The following MPHOSPH6 variants were observed in gnomAD, a reference collection of about 807,000 sequenced individuals.
MPHOSPH6 encodes the protein M-phase phosphoprotein 6.
MPHOSPH6 carries 25 observed loss-of-function variants against 21.8 expected under a neutral mutation model. The ratio of observed to expected loss-of-function variants is 1.15; its 90% CI spans 0.83 to 1.60. The LOEUF (loss-of-function observed/expected upper bound fraction) is 1.60. MPHOSPH6 is among the 40% of genes most tolerant of loss of function. MPHOSPH6 has a pLI of 0.00. For synonymous variants in MPHOSPH6, 84 were observed against 56.5 expected (o/e 1.49, Z -2.18); for missense variants, 269 against 181.8 (o/e 1.48, Z -2.76).
intron 2 of MPHOSPH6, among the ~76,000 whole-genome samples, chr16:82,159,135 T>C (rs1418630310): frequency 6.6e-6 from 1 of 152,228 alleles, no homozygotes; most frequent in African/African-American, 2.4e-5. Context: ...AGGGGGATTT[T>C]CTTTATATAC....
intron 1 of MPHOSPH6, among the ~76,000 whole-genome samples, chr16:82,165,218 C>G (rs1425132754): frequency 6.7e-6 from 1 of 148,800 alleles, no homozygotes; most frequent in African/African-American, 2.5e-5. Context: ...ACCTCTGCCT[C>G]CTAGGTTCAA....
chr16:82,159,179 T>G (rs1906527843), intron 2 of MPHOSPH6, among the ~76,000 whole-genome samples: 1 of 152,242 alleles, frequency 6.6e-6, no homozygotes, highest in South Asian at 2.1e-4. Flanking sequence ...ACAGGCTGAC[T>G]GCAGGCGTTC....
chr16:82,155,327 G>A (rs923309983), intron 2 of MPHOSPH6, among the ~76,000 whole-genome samples: 1 of 152,122 alleles, frequency 6.6e-6, no homozygotes, highest in African/African-American at 2.4e-5. Flanking sequence ...TGGGTCCTTA[G>A]CCATGAAATA....
intron 1 of MPHOSPH6, among the ~76,000 whole-genome samples, chr16:82,168,597 A>G (rs1256744832): frequency 2.0e-5 from 3 of 151,806 alleles, no homozygotes; most frequent in Non-Finnish European, 4.4e-5. Flanking sequence ...CAGCCTCCCA[A>G]GTAGCTGGGA....
At chr16:82,164,332 G>A (rs1906696951) in intron 1 of MPHOSPH6, 138 bp from the exon 2 acceptor site, 1 of 632,432 alleles carries the variant, frequency 1.6e-6, no homozygotes, top group Non-Finnish European at 2.7e-6. Context: ...TGGGGCAAGT[G>A]ATCAAACGGT....
chr16:82,158,728 A>G (rs1281355981), intron 2 of MPHOSPH6, among the ~76,000 whole-genome samples: 3 of 152,206 alleles, frequency 2.0e-5, no homozygotes, highest in Non-Finnish European at 4.4e-5. Context: ...ACAAAATTCA[A>G]GCTTTCAAGC....
chr16:82,162,146 T>C (rs1257780481), intron 2 of MPHOSPH6: 1 of 152,246 alleles, frequency 6.6e-6, no homozygotes, highest in African/African-American at 2.4e-5. Flanking sequence ...CTTCTCGGAA[T>C]GTACTGGACA....
At chr16:82,164,327 C>A (rs1906696807) in intron 1 of MPHOSPH6, 133 bp from the exon 2 acceptor site, 13 of 639,146 alleles carry the variant, frequency 2.0e-5, no homozygotes, top group South Asian at 2.0e-4. Flanking sequence ...AGGGTTGGGG[C>A]AAGTGATCAA....
chr16:82,154,932 A>G (rs9940948), intron 2 of MPHOSPH6, among the ~76,000 whole-genome samples: 2,839 of 152,342 alleles, frequency 0.019, 104 homozygotes, highest in African/African-American at 0.065. Context: ...CTACAGTCTA[A>G]TATCTTTTTT....
chr16:82,164,199 G>A lies in MPHOSPH6; in HGVS notation c.52-5C>T, dbSNP rs745628617. Reference sequence around the variant, plus strand: ...GTCCAGTCCCCTTTGCATAAACTGTGAAAACAAACAAAATCAATGTCAGAA... The same window carrying A: ...GTCCAGTCCCCTTTGCATAAACTGTAAAAACAAACAAAATCAATGTCAGAA... On this transcript the variant is annotated splice_region_variant and splice_polypyrimidine_tract_variant and intron_variant, in intron 1 of 4. Transcript: ENST00000258169. 6.4e-7 allele frequency: 1 copy of A among 1,573,306 alleles called. No homozygotes were observed. Among genetic ancestry groups the A allele is most frequent in the Non-Finnish European group, 8.7e-7 (1 of 1,155,820 alleles).
At chr16:82,154,434 T>C (rs1287653283) in intron 2 of MPHOSPH6, among the ~76,000 whole-genome samples, 2 of 152,086 alleles carry the variant, frequency 1.3e-5, no homozygotes, top group Non-Finnish European at 2.9e-5. Context: ...CAATAAAAAA[T>C]TCCTAGACAT....
At chr16:82,158,470 G>A (rs1906501739) in intron 2 of MPHOSPH6, among the ~76,000 whole-genome samples, 1 of 129,520 alleles carries the variant, frequency 7.7e-6, no homozygotes, top group Admixed American at 9.5e-5. Context: ...CTGCACTCCA[G>A]CCTGGGTGAC....
chr16:82,153,445 A>G (rs957456268), intron 2 of MPHOSPH6, among the ~76,000 whole-genome samples: 7 of 152,258 alleles, frequency 4.6e-5, no homozygotes, highest in Non-Finnish European at 8.8e-5. Flanking sequence ...CCTGGAGGCA[A>G]TTTCCAGATT....
chr16:82,149,176 G>C (rs1183977468), intron 4 of MPHOSPH6, 133 bp downstream of exon 4: 12 of 976,708 alleles, frequency 1.2e-5, no homozygotes, highest in Admixed American at 1.1e-4. Context: ...ATTAAGAGAA[G>C]GCCGATCACA....
intron 2 of MPHOSPH6, among the ~76,000 whole-genome samples, chr16:82,151,989 A>C (rs1271091856): frequency 6.6e-6 from 1 of 152,234 alleles, no homozygotes; most frequent in Non-Finnish European, 1.5e-5. Context: ...GGGATTTCAA[A>C]AATTCCATTC....
chr16:82,162,464 TG>T (rs758115657), intron 2 of MPHOSPH6, among the ~76,000 whole-genome samples: 1 of 152,254 alleles, frequency 6.6e-6, no homozygotes, highest in Non-Finnish European at 1.5e-5. Context: ...GCTCCTTTGC[TG>T]CCAGGTACCT....
intron 4 of MPHOSPH6, 83 bp from the exon 5 acceptor site, chr16:82,148,946 T>A: frequency 6.7e-7 from 1 of 1,494,036 alleles, no homozygotes; most frequent in African/African-American, 1.4e-5. Context: ...AGACCAAATA[T>A]GCAATAAAAA....
At chr16:82,155,224 C>T (rs1016801595) in intron 2 of MPHOSPH6, among the ~76,000 whole-genome samples, 1 of 152,144 alleles carries the variant, frequency 6.6e-6, no homozygotes, top group African/African-American at 2.4e-5. Flanking sequence ...GAAAACAGCA[C>T]TTCATGTGTA....
At chr16:82,156,967 C>T (rs190100991) in intron 2 of MPHOSPH6, among the ~76,000 whole-genome samples, 24 of 152,226 alleles carry the variant, frequency 1.6e-4, no homozygotes, top group East Asian at 1.4e-3. Context: ...GCAGGAGAAC[C>T]GCTTGAACCT....
Sources: allele counts gnomAD v4.1 joint callset (sites outside exome capture counted in the v4.1 genomes callset), GRCh38; gene constraint gnomAD v4.1.1; transcripts MANE v1.5; gene names NCBI Gene and HGNC (gene_info 2026-07-23, HGNC 2026-07-21).